The following ST18 variants were observed in gnomAD, a reference collection of about 807,000 sequenced individuals.
The protein encoded by ST18 is suppression of tumorigenicity 18 protein.
ST18 carries 50 observed loss-of-function variants against 110.0 expected under a neutral mutation model. The ratio of observed to expected loss-of-function variants is 0.45; its 90% CI spans 0.36 to 0.58. The LOEUF (loss-of-function observed/expected upper bound fraction) is 0.58. Among genes scored for constraint, ST18 ranks in the 20% least tolerant of loss-of-function variants. The pLI, the probability that ST18 is intolerant of heterozygous loss-of-function variation, is 0.00. For synonymous variants in ST18, 461 were observed against 452.4 expected (o/e 1.02, Z -0.24); for missense variants, 1,306 against 1,280.1 (o/e 1.02, Z -0.31).
At chr8:52,146,638 C>A (rs2057385559) in intron 16 of ST18, among the ~76,000 whole-genome samples, 1 of 152,136 alleles carries the variant, frequency 6.6e-6, no homozygotes, top group Non-Finnish European at 1.5e-5. Flanking sequence ...GGTTCCTTAT[C>A]TGTATTTTAT....
At chr8:52,292,797 G>A (rs756948072) in intron 2 of ST18, among the ~76,000 whole-genome samples, 1 of 152,188 alleles carries the variant, frequency 6.6e-6, no homozygotes, top group Non-Finnish European at 1.5e-5. Flanking sequence ...CACACACAAA[G>A]CCTTGGTTTT....
At chr8:52,114,649 G>A (rs915685953) in intron 25 of ST18, among the ~76,000 whole-genome samples, 2 of 152,132 alleles carry the variant, frequency 1.3e-5, no homozygotes, top group Non-Finnish European at 2.9e-5. Flanking sequence ...GTTGTGCCTT[G>A]TGTTTCTTGG....
chr8:52,292,730 C>T (rs2095575011), intron 2 of ST18, among the ~76,000 whole-genome samples: 1 of 152,184 alleles, frequency 6.6e-6, no homozygotes, highest in Non-Finnish European at 1.5e-5. Context: ...TTCAGATTTA[C>T]AATTGAGTGT....
At chr8:52,165,334 C>G (rs928481439) in intron 11 of ST18, 109 bp from the exon 12 acceptor site, 8 of 1,003,976 alleles carry the variant, frequency 8.0e-6, no homozygotes, top group Non-Finnish European at 1.1e-5. Context: ...TTCCATCATC[C>G]ACCATGCTCT....
intron 6 of ST18, 112 bp from the exon 7 acceptor site, chr8:52,214,369 T>C (rs2083353552): frequency 8.9e-7 from 1 of 1,128,616 alleles, no homozygotes; most frequent in Non-Finnish European, 1.3e-6. Flanking sequence ...CCTTCCATGC[T>C]CTTGACTCAC....
At chr8:52,292,629 C>T (rs886713273) in intron 2 of ST18, among the ~76,000 whole-genome samples, 1 of 152,210 alleles carries the variant, frequency 6.6e-6, no homozygotes, top group African/African-American at 2.4e-5. Context: ...ACAGTCTTGG[C>T]TCAGCATTCC....
rs756357334 is a variant in ST18 at position 52,116,316 on chromosome 8, C to T, written c.2962G>A (p.Ala988Thr). The change falls in exon 25 of 26, where the codon GCT (alanine) becomes ACT (threonine). Residue 988 changes from alanine to threonine, a missense_variant. By Grantham distance (58) the Ala-to-Thr change is moderately conservative (BLOSUM62 0). Coordinates refer to ENST00000689386, the MANE Select transcript of ST18 (RefSeq NM_001352837.2). ...ATGTCAGCAAGGCTTGAAATGAGAGCTTGGCTTAGACCTGCCAGCTCTTTC... is the reference window on the plus strand; with the variant it reads ...ATGTCAGCAAGGCTTGAAATGAGAGTTTGGCTTAGACCTGCCAGCTCTTTC... ...LLKELAGLSQ[A>T]LISSLADIQL... 6 of 1,613,970 alleles carry T rather than the reference C, an allele frequency of 3.7e-6. No individual in the cohort carries two copies. The highest frequency in any genetic ancestry group is 1.7e-6 in the Non-Finnish European group (2 of 1,179,938).
rs1442133318 is a variant in ST18, at chr8:52,116,355, T to C, written c.2923A>G (p.Asn975Asp). 6.2e-7 allele frequency: 1 copy of C among 1,613,902 alleles called. No individual in the cohort carries two copies. Among genetic ancestry groups the C allele is most frequent in the Non-Finnish European group, 8.5e-7 (1 of 1,179,952 alleles). The change falls in exon 25 of 26, where the codon AAT (asparagine) becomes GAT (aspartate). Residue 975 changes from asparagine (N) to aspartate (D), a missense_variant. Asn to Asp is a conservative substitution (Grantham distance 23). Transcript: ENST00000689386. ...EEENKLIEQNNESLLKELAGL... is the reference protein window; with the variant it reads ...EEENKLIEQNDESLLKELAGL... ...GCCAGCTCTTTCAGCAGACTTTCAT[T>C]GTTCTGTTCTATGAGTTTGTTCTCC...
intron 8 of ST18, among the ~76,000 whole-genome samples, chr8:52,201,621 A>C (rs67783308): frequency 6.7e-6 from 1 of 150,186 alleles, no homozygotes; most frequent in East Asian, 1.9e-4. Context: ...AAACAAAAAA[A>C]CAAAAAAACT....
intron 2 of ST18, among the ~76,000 whole-genome samples, chr8:52,328,912 C>T (rs1475548415): frequency 1.3e-5 from 2 of 152,068 alleles, no homozygotes; most frequent in Admixed American, 6.6e-5. Context: ...TGGCTCTCCC[C>T]CAGCCCTCAA....
chr8:52,252,212 G>T (rs1025145775), intron 2 of ST18, among the ~76,000 whole-genome samples: 1 of 152,012 alleles, frequency 6.6e-6, no homozygotes, highest in Non-Finnish European at 1.5e-5. Context: ...TTGCAATTTG[G>T]TTATAGGAGT....
intron 23 of ST18, among the ~76,000 whole-genome samples, chr8:52,123,651 T>A (rs28545113): frequency 0.012 from 1,858 of 152,314 alleles, 37 homozygotes; most frequent in African/African-American, 0.042. Context: ...TGTCAATGGG[T>A]TCAACCCAGC....
intron 2 of ST18, among the ~76,000 whole-genome samples, chr8:52,328,584 C>T (rs564237791): frequency 1.1e-4 from 16 of 152,078 alleles, no homozygotes; most frequent in Non-Finnish European, 2.1e-4. Flanking sequence ...ACATAAGCTC[C>T]CTCCATCACC....
chr8:52,112,241 T>C lies in ST18; in HGVS notation c.*957A>G, dbSNP rs757350924. Reference sequence around the variant, plus strand: ...AAAATTTTTCATTTGGATGTGTTTGTATTTGCTAAGTACAAATCTACACCA... The same window carrying C: ...AAAATTTTTCATTTGGATGTGTTTGCATTTGCTAAGTACAAATCTACACCA... On this transcript the variant is annotated 3_prime_UTR_variant, in exon 26 of 26. Transcript: ENST00000689386. 6.6e-6 allele frequency: 1 copy of C among 152,580 alleles called. No individual in the cohort carries two copies. The highest frequency in any genetic ancestry group is 1.5e-5 in the Non-Finnish European group (1 of 68,036). 9.5% of individuals were successfully genotyped at this position (152,580 alleles called of 1,614,324 possible).
intron 25 of ST18, among the ~76,000 whole-genome samples, chr8:52,115,640 C>T (rs1173930419): frequency 3.3e-5 from 5 of 152,050 alleles, no homozygotes; most frequent in Admixed American, 6.6e-5. Context: ...TCTGGGTTTG[C>T]GAAAGTTCAC....
intron 2 of ST18, among the ~76,000 whole-genome samples, chr8:52,249,690 T>G (rs1400570937): frequency 6.6e-6 from 1 of 152,102 alleles, no homozygotes; most frequent in Non-Finnish European, 1.5e-5. Flanking sequence ...TAAAAAAAAT[T>G]AGAATACTGA....
intron 8 of ST18, among the ~76,000 whole-genome samples, chr8:52,202,890 G>A (rs2078503987): frequency 6.6e-6 from 1 of 152,016 alleles, no homozygotes; most frequent in Non-Finnish European, 1.5e-5. Flanking sequence ...TCTCCTACAA[G>A]GAGAAGAAAC....
intron 2 of ST18, among the ~76,000 whole-genome samples, chr8:52,328,034 G>A (rs910876984): frequency 3.3e-5 from 5 of 152,202 alleles, no homozygotes; most frequent in African/African-American, 1.2e-4. Context: ...TCAGGAACAT[G>A]AGAATAATCT....
At chr8:52,129,754 T>C (rs917905947) in intron 22 of ST18, among the ~76,000 whole-genome samples, 17 of 152,186 alleles carry the variant, frequency 1.1e-4, no homozygotes, top group African/African-American at 3.6e-4. Context: ...TAGAAAATAA[T>C]AACTTGGAGG....
Sources: gnomAD v4.1 joint callset for allele counts (sites outside exome capture counted in the v4.1 genomes callset) on GRCh38, gnomAD v4.1.1 for gene constraint, MANE v1.5 for transcripts, NCBI Gene and HGNC (gene_info 2026-07-23, HGNC 2026-07-21) for gene names.